NFIB: variants seen among roughly 807,000 people sequenced by gnomAD.
The protein encoded by NFIB is nuclear factor 1 B-type.
In NFIB, 11 loss-of-function variants were observed where a neutral mutation model predicts 61.5. The ratio of observed to expected loss-of-function variants is 0.18; its 90% confidence interval spans 0.11 to 0.30. The LOEUF (loss-of-function observed/expected upper bound fraction) is 0.30, where lower values mean the gene tolerates loss of function less well. Among genes scored for constraint, NFIB ranks in the 10% least tolerant of loss-of-function variants. NFIB has a pLI of 1.00. For missense variants in NFIB, 471 were observed against 608.9 expected (o/e 0.77, Z 2.38); for synonymous variants, 260 against 216.5 (o/e 1.20, Z -1.76).
chr9:14,260,582 G>T (rs1325366024), intron 2 of NFIB, among the ~76,000 whole-genome samples: 2 of 152,164 alleles, frequency 1.3e-5, no homozygotes, highest in African/African-American at 2.4e-5. Context: ...ATTTCCCATG[G>T]AAGACAGCCA....
intron 2 of NFIB, among the ~76,000 whole-genome samples, chr9:14,226,834 T>C (rs910968831): frequency 2.5e-4 from 38 of 151,828 alleles, no homozygotes; most frequent in African/African-American, 8.0e-4. Flanking sequence ...GGTGGGGAAG[T>C]TGTGGAAGAG....
intron 2 of NFIB, among the ~76,000 whole-genome samples, chr9:14,293,210 A>G (rs1035214228): frequency 7.9e-5 from 12 of 152,190 alleles, no homozygotes; most frequent in African/African-American, 2.9e-4. Flanking sequence ...AACTATTACT[A>G]TTCAGTAGTC....
At chr9:14,323,571 T>G (rs1049677250) in intron 1 of NFIB, among the ~76,000 whole-genome samples, 1 of 152,236 alleles carries the variant, frequency 6.6e-6, no homozygotes, top group African/African-American at 2.4e-5. Context: ...ACTAATTATG[T>G]AATTGCACAA....
chr9:14,464,018 T>G, the NFIB span, among the ~76,000 whole-genome samples: 4 of 152,178 alleles, frequency 2.6e-5, no homozygotes, highest in Non-Finnish European at 5.9e-5. Context: ...TTGTAACATG[T>G]AGCATTTTTA....
intron 1 of NFIB, among the ~76,000 whole-genome samples, chr9:14,385,729 T>A (rs1183350966): frequency 6.6e-6 from 1 of 152,130 alleles, no homozygotes; most frequent in Non-Finnish European, 1.5e-5. Context: ...CACAGGTATT[T>A]TCTACTTTTA....
the NFIB span, among the ~76,000 whole-genome samples, chr9:14,448,319 G>C: frequency 0.11 from 16,152 of 152,156 alleles, 910 homozygotes; most frequent in Middle Eastern, 0.15. Context: ...CATTAAGTTT[G>C]TATCTTGCGG....
chr9:14,363,388 T>G (rs1195245564), intron 1 of NFIB, among the ~76,000 whole-genome samples: 1 of 152,082 alleles, frequency 6.6e-6, no homozygotes, highest in African/African-American at 2.4e-5. Flanking sequence ...GCTTATAGAA[T>G]CTAGAGACCA....
chr9:14,470,464 G>T, the NFIB span, among the ~76,000 whole-genome samples: 1 of 152,152 alleles, frequency 6.6e-6, no homozygotes, highest in Non-Finnish European at 1.5e-5. Context: ...CTGAAAAAGA[G>T]AATTTGAATT....
At chr9:14,455,934 CAT>C in the NFIB span, among the ~76,000 whole-genome samples, 1 of 151,984 alleles carries the variant, frequency 6.6e-6, no homozygotes, top group East Asian at 1.9e-4. Context: ...AAATAAAAAA[CAT>C]ATACAAGTTC....
At chr9:14,133,509 G>T (rs970582268) in intron 6 of NFIB, among the ~76,000 whole-genome samples, 1 of 152,196 alleles carries the variant, frequency 6.6e-6, no homozygotes, top group African/African-American at 2.4e-5. Flanking sequence ...TTTTGTAGCT[G>T]AAATCTGACA....
chr9:14,346,638 C>A (rs1164951170), intron 1 of NFIB, among the ~76,000 whole-genome samples: 1 of 152,106 alleles, frequency 6.6e-6, no homozygotes, highest in Admixed American at 6.6e-5. Context: ...AAGTTGAAGC[C>A]CCGGGGTAGT....
chr9:14,505,125 T>C, the NFIB span, among the ~76,000 whole-genome samples: 1 of 152,332 alleles, frequency 6.6e-6, no homozygotes, highest in East Asian at 1.9e-4. Context: ...TTATGTGGTG[T>C]ATCATGTTTA....
Position 14,357,108 on chromosome 9 carries a change from G to C in NFIB, c.108+41416C>G, listed in dbSNP as rs577450491. Reference sequence around the variant, plus strand: ...GAAATGCTCTGAATTTCTTGGAAAAGAGTTGCTGTATAAATTAATATAGGG... The same window carrying C: ...GAAATGCTCTGAATTTCTTGGAAAACAGTTGCTGTATAAATTAATATAGGG... On this transcript the variant is annotated intron_variant, in intron 1 of 8. Transcript: ENST00000380934. The C allele has an allele frequency of 3.3e-5, 5 of 152,326 alleles. No individual in the cohort carries two copies. In the East Asian group the frequency reaches 7.7e-4, roughly 23 times the overall value. The allele number at this position is 152,326 out of a possible 1,614,324, so 9.4% of individuals were successfully genotyped here. A position where few individuals can be genotyped will look rare whatever the true frequency, so the allele number is the denominator to read the frequency against.
chr9:14,146,478 C>T (rs2042287062), intron 6 of NFIB, among the ~76,000 whole-genome samples: 1 of 152,042 alleles, frequency 6.6e-6, no homozygotes, highest in Non-Finnish European at 1.5e-5. Context: ...CTAAAAAAAA[C>T]TCCAACGAAA....
the NFIB span, among the ~76,000 whole-genome samples, chr9:14,514,454 A>T: frequency 6.6e-6 from 1 of 152,166 alleles, no homozygotes; most frequent in African/African-American, 2.4e-5. Context: ...TACTAAAAAG[A>T]TATTCCTAGT....
At chr9:14,192,451 G>GT (rs2048051358) in intron 2 of NFIB, among the ~76,000 whole-genome samples, 1 of 152,094 alleles carries the variant, frequency 6.6e-6, no homozygotes, top group Non-Finnish European at 1.5e-5. Context: ...GAATTGCCCT[G>GT]TAACGGTAAC....
At chr9:14,119,175 T>C (rs1158247155) in intron 8 of NFIB, among the ~76,000 whole-genome samples, 2 of 152,176 alleles carry the variant, frequency 1.3e-5, no homozygotes, top group East Asian at 3.8e-4. Context: ...AAATGCTCTA[T>C]GGAACTGAGA....
chr9:14,375,518 C>A (rs1287939982), intron 1 of NFIB, among the ~76,000 whole-genome samples: 1 of 151,992 alleles, frequency 6.6e-6, no homozygotes, highest in Non-Finnish European at 1.5e-5. Flanking sequence ...ATTATCTGGG[C>A]GTGGAGGTGG....
intron 2 of NFIB, among the ~76,000 whole-genome samples, chr9:14,237,842 A>AGTGTGTGTGTGTGTGTGTGT (rs200054648): frequency 2.5e-4 from 13 of 52,538 alleles, no homozygotes; most frequent in Non-Finnish European, 3.8e-4. Context: ...TAGGTATAAC[A>AGTGTGTGTGTGTGTGTGTGT]GTGTGTGTGT....
Sources: allele counts gnomAD v4.1 joint callset (sites outside exome capture counted in the v4.1 genomes callset), GRCh38; gene constraint gnomAD v4.1.1; transcripts MANE v1.5; gene names NCBI Gene and HGNC (gene_info 2026-07-23, HGNC 2026-07-21).